Variants in PPP2CB observed in about 807,000 individuals in gnomAD.
PPP2CB encodes serine/threonine-protein phosphatase 2A catalytic subunit beta isoform.
In PPP2CB, 18 loss-of-function variants were observed where a neutral mutation model predicts 39.1. The observed-to-expected ratio is 0.46, with a 90% CI of 0.32 to 0.68. The LOEUF (loss-of-function observed/expected upper bound fraction) is 0.68. PPP2CB is among the 30% of genes least tolerant of loss of function. The pLI, the probability that PPP2CB is intolerant of heterozygous loss-of-function variation, is 0.04. For synonymous variants in PPP2CB, 129 were observed against 133.8 expected, an observed-to-expected ratio of 0.96 and a Z score of 0.25; for missense variants, 226 against 396.9, an observed-to-expected ratio of 0.57 and a Z score of 3.66.
chr8:30,807,301 GAA>G (rs1806741041), intron 1 of PPP2CB, among the ~76,000 whole-genome samples: 1 of 152,142 alleles, frequency 6.6e-6, no homozygotes. Flanking sequence ...ATCAATCACA[GAA>G]AGTAATCTAA....
intron 1 of PPP2CB, among the ~76,000 whole-genome samples, chr8:30,803,676 T>C (rs1355763528): frequency 1.3e-5 from 2 of 152,146 alleles, no homozygotes; most frequent in South Asian, 2.1e-4. Context: ...ATGGAAAAGA[T>C]GGACAATCAG....
intron 1 of PPP2CB, among the ~76,000 whole-genome samples, chr8:30,811,355 G>A (rs1025039326): frequency 6.6e-6 from 1 of 152,088 alleles, no homozygotes; most frequent in African/African-American, 2.4e-5. Context: ...TCTCGTTTCT[G>A]AAAATCAACA....
At chr8:30,810,093 C>G (rs896371450) in intron 1 of PPP2CB, 1 of 152,338 alleles carries the variant, frequency 6.6e-6, no homozygotes, top group East Asian at 1.9e-4. Context: ...CGTTGACACT[C>G]CGGTGTGATT....
At chr8:30,797,430 C>T in intron 3 of PPP2CB, 151 bp downstream of exon 3, 1 of 728,954 alleles carries the variant, frequency 1.4e-6, no homozygotes, top group Non-Finnish European at 2.1e-6. Context: ...ATCCACTTCC[C>T]TGCTTTGAAA....
chr8:30,800,691 T>C, intron 1 of PPP2CB, among the ~76,000 whole-genome samples: 1 of 152,120 alleles, frequency 6.6e-6, no homozygotes, highest in East Asian at 1.9e-4. Context: ...GCCTCTGAAG[T>C]AACAAAACAG....
chr8:30,793,450 G>A (rs1332878458), intron 5 of PPP2CB: 2 of 154,196 alleles, frequency 1.3e-5, no homozygotes, highest in Admixed American at 1.3e-4. Flanking sequence ...TTAAATAACA[G>A]TACTATATGA....
At position 30,799,600 on chromosome 8, in the gene PPP2CB, A is replaced by G; in HGVS notation, c.258T>C (p.Tyr86=). 1 of 1,613,986 alleles carries G rather than the reference A, an allele frequency of 6.2e-7. No individual in the cohort carries two copies. Among genetic ancestry groups the G allele is most frequent in the Non-Finnish European group, 8.5e-7 (1 of 1,179,828 alleles). The change falls in exon 2 of 7, where the codon TAT becomes TAC. Residue 86 remains tyrosine, a synonymous_variant. Transcript: ENST00000221138. ...PDTNYLFMGD[Y]VDRGYYSVET... is the part of the protein sequence containing the mutation. ...CCACTGAATAATATCCTCTGTCTAC[A>G]TAGTCACCCATGAATAAGTAGTTTG... is the stretch of plus-strand genomic sequence containing the variant.
At position 30,794,094 on chromosome 8, in the gene PPP2CB, A is replaced by C. The variant is rs1171773999; in HGVS notation, c.577-16T>G. 1 of 1,602,812 alleles carries C rather than the reference A, an allele frequency of 6.2e-7. No individual in the cohort carries two copies. Among genetic ancestry groups the C allele is most frequent in the Admixed American group, 1.7e-5 (1 of 58,478 alleles). On this transcript the variant is annotated splice_polypyrimidine_tract_variant and intron_variant, in intron 4 of 6. Coordinates refer to ENST00000221138, the MANE Select transcript of PPP2CB (RefSeq NM_001009552.2). ...ACATTGGGCCCTGGCCAAGAAAAATAAGTACATGTTACAAATTATTATCAG... is the reference window on the plus strand; with the variant it reads ...ACATTGGGCCCTGGCCAAGAAAAATCAGTACATGTTACAAATTATTATCAG...
At chr8:30,809,795 G>A (rs895264935) in intron 1 of PPP2CB, among the ~76,000 whole-genome samples, 2 of 151,958 alleles carry the variant, frequency 1.3e-5, no homozygotes, top group African/African-American at 4.8e-5. Context: ...AAATTATCCC[G>A]GTGTGGTGAC....
chr8:30,794,766 C>A (rs1806491762), intron 3 of PPP2CB, among the ~76,000 whole-genome samples: 1 of 152,164 alleles, frequency 6.6e-6, no homozygotes, highest in Admixed American at 6.5e-5. Flanking sequence ...CTGTACCCAG[C>A]TGTCATTACA....
At chr8:30,805,070 GA>G (rs1806695921) in intron 1 of PPP2CB, among the ~76,000 whole-genome samples, 1 of 152,120 alleles carries the variant, frequency 6.6e-6, no homozygotes, top group South Asian at 2.1e-4. Context: ...GAATGTACGG[GA>G]TAACTACACA....
intron 1 of PPP2CB, among the ~76,000 whole-genome samples, chr8:30,807,532 G>A (rs1806744059): frequency 6.6e-6 from 1 of 152,176 alleles, no homozygotes; most frequent in Non-Finnish European, 1.5e-5. Context: ...CACAAGCCTC[G>A]ACATTTTTCT....
At chr8:30,811,495 A>G (rs974507681) in intron 1 of PPP2CB, among the ~76,000 whole-genome samples, 2 of 150,020 alleles carry the variant, frequency 1.3e-5, no homozygotes, top group Non-Finnish European at 2.9e-5. Context: ...GGCACATTCA[A>G]GAATCAGCGA....
chr8:30,806,870 T>C (rs1024107857), intron 1 of PPP2CB, among the ~76,000 whole-genome samples: 3 of 152,326 alleles, frequency 2.0e-5, no homozygotes, highest in Non-Finnish European at 4.4e-5. Context: ...AAATATCTTA[T>C]GGCAAGGGTA....
At position 30,794,215 on chromosome 8, in the gene PPP2CB, G is replaced by T; in HGVS notation, c.553C>A (p.Arg185Ser). Residue 185 changes from arginine (R) to serine (S), a missense_variant, in exon 4 of 7, where the codon CGT (arginine) becomes AGT (serine). Transcript: ENST00000221138. ...ACCTCATGTGGAACTTCCTGTAAAC[G>T]ATCCAGGGCTCTTATATGATCCAGT... is the stretch of plus-strand genomic sequence containing the variant. Reference protein sequence around the residue: ...DTLDHIRALDRLQEVPHEGPM... With the variant: ...DTLDHIRALDSLQEVPHEGPM... The T allele has an allele frequency of 6.2e-7, 1 of 1,613,756 alleles. No individual in the cohort carries two copies. The highest frequency in any genetic ancestry group is 1.1e-5 in the South Asian group (1 of 91,004).
At chr8:30,789,773 A>G (rs1313091422) in intron 6 of PPP2CB, among the ~76,000 whole-genome samples, 1 of 152,162 alleles carries the variant, frequency 6.6e-6, no homozygotes, top group Admixed American at 6.5e-5. Flanking sequence ...CTACTTATCC[A>G]TTTCCTGGGG....
intron 6 of PPP2CB, among the ~76,000 whole-genome samples, chr8:30,788,901 T>C (rs1806385720): frequency 6.6e-6 from 1 of 152,358 alleles, no homozygotes; most frequent in African/African-American, 2.4e-5. Context: ...AGATAACATA[T>C]TGCAGTAGCT....
chr8:30,788,098 A>G (rs1273274966), intron 6 of PPP2CB, among the ~76,000 whole-genome samples: 1 of 152,130 alleles, frequency 6.6e-6, no homozygotes, highest in Non-Finnish European at 1.5e-5. Context: ...TTTTCAAAGC[A>G]TCAACTTTGG....
intron 6 of PPP2CB, among the ~76,000 whole-genome samples, chr8:30,788,771 C>T (rs565327289): frequency 8.9e-4 from 136 of 152,334 alleles, no homozygotes; most frequent in Non-Finnish European, 1.7e-3. Context: ...CCTTCATCTC[C>T]TGCCTAGTTG....
Sources: gnomAD v4.1 joint callset for allele counts (sites outside exome capture counted in the v4.1 genomes callset) on GRCh38, gnomAD v4.1.1 for gene constraint, MANE v1.5 for transcripts, NCBI Gene and HGNC (gene_info 2026-07-23, HGNC 2026-07-21) for gene names.